The following DBR1 variants were observed in gnomAD, a reference collection of about 807,000 sequenced individuals.
DBR1 encodes the protein debranching RNA lariats 1, also known as lariat debranching enzyme.
A neutral mutation model predicts 45.9 loss-of-function variants in DBR1; 33 were observed. That is an observed-to-expected ratio of 0.72 (90% CI 0.55 to 0.96). The LOEUF is 0.96. DBR1 is among the 40% of genes least tolerant of loss of function. DBR1 has a pLI of 0.00. For missense variants in DBR1, 619 were observed against 667.4 expected (o/e 0.93, Z 0.80); for synonymous variants, 235 against 235.9 (o/e 1.00, Z 0.04).
At chr3:138,162,972 T>G (rs972378853) in intron 7 of DBR1, among the ~76,000 whole-genome samples, 1 of 152,264 alleles carries the variant, frequency 6.6e-6, no homozygotes, top group African/African-American at 2.4e-5. Context: ...AAAACAAAGG[T>G]GGAGGCCAGA....
chr3:138,164,807 C>A (rs554184857), intron 5 of DBR1, among the ~76,000 whole-genome samples: 214 of 152,248 alleles, frequency 1.4e-3, no homozygotes, highest in African/African-American at 4.8e-3. Flanking sequence ...CTAACATGCC[C>A]AGCTAATTTT....
In DBR1 at chr3:138,166,972, A is replaced by C. The variant is rs2042933214; in HGVS notation, c.714+109T>G. 3.1e-6 allele frequency: 3 copies of C among 960,790 alleles called. No individual in the cohort carries two copies. The South Asian group carries it at 4.4e-5, about 14-fold the overall frequency. The allele number at this position is 960,790 out of a possible 1,614,324, so 59.5% of individuals were successfully genotyped here. A position where few individuals can be genotyped will look rare whatever the true frequency, so the allele number is the denominator to read the frequency against. ...CCCAGAATCATATATTGAGCTACTC[A>C]CAAGAGGTAAGTTATCTTTTACTTC... On this transcript the variant is annotated intron_variant, in intron 5 of 7. Coordinates refer to ENST00000260803, the MANE Select transcript of DBR1 (RefSeq NM_016216.4).
intron 2 of DBR1, 61 bp downstream of exon 2, chr3:138,173,441 C>T: frequency 6.3e-7 from 1 of 1,580,030 alleles, no homozygotes; most frequent in Non-Finnish European, 8.7e-7. Context: ...CCAACTAACG[C>T]AAATCCTGAT....
chr3:138,165,620 TC>T (rs1340782749), intron 5 of DBR1, among the ~76,000 whole-genome samples: 2 of 152,018 alleles, frequency 1.3e-5, no homozygotes, highest in African/African-American at 4.8e-5. Flanking sequence ...TCCCAGCTAC[TC>T]TGGACACTGA....
At position 138,174,584 on chromosome 3, in the gene DBR1, C is replaced by G; in HGVS notation, c.197+15G>C. 6.3e-7 allele frequency: 1 copy of G among 1,593,020 alleles called. No homozygotes were observed. The highest frequency in any genetic ancestry group is 1.1e-5 in the South Asian group (1 of 88,292). On this transcript the variant is annotated intron_variant, in intron 1 of 7. Transcript: ENST00000260803. ...ACCCCCCCACCGCCAAGTCCGGGCC[C>G]GGCCGCGTCCTCACCTGTAGAAGGT...
rs754973270 is a variant in DBR1 at position 138,174,755 on chromosome 3, T to C, written c.41A>G (p.Asp14Gly). ...CAGCGCCAGCGTCTCATAGATCTTA[T>C]CCAGCTCGCCGTGGCAGCAGCCAGC... ...AVAGCCHGELDKIYETLALAE... is the reference protein window; with the variant it reads ...AVAGCCHGELGKIYETLALAE... The change falls in exon 1 of 8, where the codon GAT (aspartate) becomes GGT (glycine). Residue 14 changes from aspartate (D) to glycine (G), a missense_variant. Asp to Gly is a moderately conservative substitution (Grantham distance 94). Transcript: ENST00000260803. The C allele has an allele frequency of 8.1e-6, 13 of 1,612,288 alleles. No individual in the cohort carries two copies. Among genetic ancestry groups the C allele is most frequent in the Non-Finnish European group, 1.1e-5 (13 of 1,179,750 alleles).
intron 4 of DBR1, 151 bp downstream of exon 4, chr3:138,169,956 A>G (rs2042947157): frequency 3.2e-6 from 2 of 617,454 alleles, no homozygotes; most frequent in Non-Finnish European, 5.6e-6. Context: ...AAAAAGGTTC[A>G]TCTGTGAACC....
chr3:138,162,150 A>AGCTT lies in DBR1; in HGVS notation c.1370_1373dup (p.Glu460PhefsTer2). 1 of 1,614,200 alleles carries AGCTT rather than the reference A, an allele frequency of 6.2e-7. No homozygotes were observed. The highest frequency in any genetic ancestry group is 1.1e-5 in the South Asian group (1 of 91,082). Reference sequence around the variant, plus strand: ...CAGAGAAACTTGCAGAAAACTCAGAAGCTTGATCAGAAGGTTCTACCGATG... The same window carrying AGCTT: ...CAGAGAAACTTGCAGAAAACTCAGAAGCTTGCTTGATCAGAAGGTTCTACCGATG... On this transcript the variant is annotated frameshift_variant, in exon 8 of 8. Transcript: ENST00000260803. LOFTEE classifies it high-confidence loss of function.
At chr3:138,171,605 A>C (rs765006655) in intron 3 of DBR1, 28 bp downstream of exon 3, 1 of 1,542,254 alleles carries the variant, frequency 6.5e-7, no homozygotes, top group South Asian at 1.1e-5. Flanking sequence ...CAAGTTCTAA[A>C]GTTTAAAAAT....
rs780105766 is a variant in DBR1, at chr3:138,170,131, A to G, written c.465T>C (p.Asn155=). Residue 155 remains asparagine, a synonymous_variant, in exon 4 of 8, where the codon AAT becomes AAC. Transcript: ENST00000260803. ...STIRSIYHVR[N]IEVYKLKQLK... ...CCTGTTTTAATTTATAGACTTCAAT[A>G]TTTCTCACATGATATATACTCCTGA... 1 of 1,596,720 alleles carries G rather than the reference A, an allele frequency of 6.3e-7. No homozygotes were observed. The highest frequency in any genetic ancestry group is 1.7e-5 in the Admixed American group (1 of 58,972).
In DBR1 at chr3:138,163,761, C is replaced by T; in HGVS notation, c.795+17G>A. The T allele has an allele frequency of 1.3e-6, 2 of 1,580,264 alleles. No homozygotes were observed. Among genetic ancestry groups the T allele is most frequent in the Non-Finnish European group, 1.7e-6 (2 of 1,154,190 alleles). On this transcript the variant is annotated intron_variant, in intron 6 of 7. Coordinates refer to ENST00000260803, the MANE Select transcript of DBR1 (RefSeq NM_016216.4). ...GAAGAGTACAACTATATTATAAAGC[C>T]ACTTCACTCTTCTTACCTGAAGAAA...
intron 1 of DBR1, 43 bp from the exon 2 acceptor site, chr3:138,173,669 C>G (rs1450889945): frequency 1.3e-6 from 2 of 1,513,516 alleles, no homozygotes; most frequent in South Asian, 2.5e-5. Context: ...TTAGGCATAG[C>G]AGAAAAGCAA....
intron 3 of DBR1, among the ~76,000 whole-genome samples, 185 bp from the exon 4 acceptor site, chr3:138,170,377 G>A (rs888288408): frequency 1.9e-4 from 29 of 152,114 alleles, no homozygotes; most frequent in African/African-American, 7.0e-4. Flanking sequence ...GCTCAAATAA[G>A]GGTGTATCTG....
rs1333586209 is a variant in DBR1, at chr3:138,162,350, C to A, written c.1174G>T (p.Val392Leu). 1.9e-6 allele frequency: 3 copies of A among 1,614,178 alleles called. No individual in the cohort carries two copies. The South Asian group carries it at 3.3e-5, about 18-fold the overall frequency. The change falls in exon 8 of 8, where the codon GTG (valine) becomes TTG (leucine). Residue 392 changes from valine (V) to leucine (L), a missense_variant. Val to Leu is a conservative substitution (Grantham distance 32). Transcript: ENST00000260803. ...RLQKSKEEHHVCGEYEEQDDV... is the reference protein window; with the variant it reads ...RLQKSKEEHHLCGEYEEQDDV... Reference sequence around the variant, plus strand: ...TCCTGTTCTTCATATTCACCACACACATGATGTTCTTCCTTGGACTTCTGA... The same window carrying A: ...TCCTGTTCTTCATATTCACCACACAAATGATGTTCTTCCTTGGACTTCTGA...
In DBR1 at chr3:138,170,132, T is replaced by G. The variant is rs1559883916; in HGVS notation, c.464A>C (p.Asn155Thr). 6.3e-7 allele frequency: 1 copy of G among 1,597,396 alleles called. No individual in the cohort carries two copies. The highest frequency in any genetic ancestry group is 1.7e-5 in the Admixed American group (1 of 58,970). Residue 155 changes from asparagine to threonine, a missense_variant, in exon 4 of 8, where the codon AAT becomes ACT. Coordinates refer to ENST00000260803, the MANE Select transcript of DBR1 (RefSeq NM_016216.4). ...STIRSIYHVR[N>T]IEVYKLKQLK... ...CTGTTTTAATTTATAGACTTCAATATTTCTCACATGATATATACTCCTGAT... is the reference window on the plus strand; with the variant it reads ...CTGTTTTAATTTATAGACTTCAATAGTTCTCACATGATATATACTCCTGAT...
chr3:138,171,497 A>AAG, intron 3 of DBR1, 136 bp downstream of exon 3: 5 of 336,742 alleles, frequency 1.5e-5, no homozygotes, highest in South Asian at 1.3e-4. Flanking sequence ...AAAAAAAAAA[A>AAG]AAAGCAAAAT....
chr3:138,171,527 A>C, intron 3 of DBR1, 106 bp downstream of exon 3: 1 of 647,592 alleles, frequency 1.5e-6, no homozygotes, highest in Non-Finnish European at 2.7e-6. Flanking sequence ...TGATAAAACT[A>C]TATCGAGGAT....
At chr3:138,162,670 G>T in intron 7 of DBR1, 88 bp from the exon 8 acceptor site, 1 of 1,150,916 alleles carries the variant, frequency 8.7e-7, no homozygotes, top group Non-Finnish European at 1.2e-6. Context: ...CAGGTGCAAG[G>T]ATAAAAAATA....
chr3:138,169,453 T>C (rs1377993664), intron 4 of DBR1, among the ~76,000 whole-genome samples: 1 of 152,224 alleles, frequency 6.6e-6, no homozygotes, highest in African/African-American at 2.4e-5. Flanking sequence ...TTCTATTTAA[T>C]ACCATTACTT....
Sources: gnomAD v4.1 joint callset for allele counts (sites outside exome capture counted in the v4.1 genomes callset) on GRCh38, gnomAD v4.1.1 for gene constraint, MANE v1.5 for transcripts, NCBI Gene and HGNC (gene_info 2026-07-23, HGNC 2026-07-21) for gene names.